The following PDZD2 variants were observed in gnomAD, a reference collection of about 807,000 sequenced individuals.
The protein encoded by PDZD2 is PDZ domain-containing protein 2.
In PDZD2, 90 loss-of-function variants were observed where a neutral mutation model predicts 220.7. The ratio of observed to expected loss-of-function variants is 0.41; its 90% CI spans 0.34 to 0.49. The LOEUF (loss-of-function observed/expected upper bound fraction) is 0.49. Ranked by LOEUF, PDZD2 falls within the 20% of genes least tolerant of loss-of-function variation. The pLI is 0.28. For synonymous variants in PDZD2, 1,375 were observed against 1,450.5 expected, an observed-to-expected ratio of 0.95 and a Z score of 1.18; for missense variants, 3,174 against 3,608.5, an observed-to-expected ratio of 0.88 and a Z score of 3.08.
chr5:31,886,354 G>A (rs2150342427), intron 2 of PDZD2, among the ~76,000 whole-genome samples: 1 of 152,264 alleles, frequency 6.6e-6, no homozygotes, highest in Non-Finnish European at 1.5e-5. Context: ...GTGCCAAGTT[G>A]TTTATGTGCC....
intron 2 of PDZD2, among the ~76,000 whole-genome samples, chr5:31,887,683 G>T (rs368560558): frequency 6.6e-6 from 1 of 152,030 alleles, no homozygotes; most frequent in South Asian, 2.1e-4. Context: ...ACAAAATTTC[G>T]CATAGCTGTA....
chr5:31,737,173 T>C (rs1014921718), intron 1 of PDZD2, among the ~76,000 whole-genome samples: 1 of 134,208 alleles, frequency 7.5e-6, no homozygotes, highest in Non-Finnish European at 1.6e-5. Context: ...ACTTCTTTTT[T>C]TTTTTTTTTT....
intron 1 of PDZD2, among the ~76,000 whole-genome samples, chr5:31,664,668 A>G (rs1745913197): frequency 6.6e-6 from 1 of 152,222 alleles, no homozygotes; most frequent in South Asian, 2.1e-4. Context: ...GGTGTCATAC[A>G]GAGCCGAAAA....
intron 8 of PDZD2, among the ~76,000 whole-genome samples, chr5:32,049,207 C>A (rs1484438153): frequency 6.6e-6 from 1 of 152,140 alleles, no homozygotes; most frequent in South Asian, 2.1e-4. Flanking sequence ...AACCTGCTCC[C>A]GTCTGAGATC....
In PDZD2 at chr5:32,088,359, T is replaced by TC. The variant is rs754040002; in HGVS notation, c.4913dup (p.Arg1639GlufsTer9). 6.2e-7 allele frequency: 1 copy of TC among 1,613,968 alleles called. No individual in the cohort carries two copies. The highest frequency in any genetic ancestry group is 1.1e-5 in the South Asian group (1 of 91,070). Reference sequence around the variant, plus strand: ...AAGTTCTGTCATTAAAATACAGCACTCCGAGAGAGTCGGTGGCCAGTCCCC... The same window carrying TC: ...AAGTTCTGTCATTAAAATACAGCACTCCCGAGAGAGTCGGTGGCCAGTCCCC... On this transcript the variant is annotated frameshift_variant, in exon 20 of 25. Coordinates refer to ENST00000438447, the MANE Select transcript of PDZD2 (RefSeq NM_178140.4). LOFTEE classifies it high-confidence loss of function. The surrounding 1 kb of genome is among the most constrained non-coding windows in gnomAD (Gnocchi z 4.6).
chr5:31,713,121 T>A (rs2150140696), intron 1 of PDZD2, among the ~76,000 whole-genome samples: 1 of 152,328 alleles, frequency 6.6e-6, no homozygotes, highest in East Asian at 1.9e-4. Context: ...TGGCCTTGTG[T>A]CATTTAGATT....
In PDZD2 at chr5:32,109,699, T is replaced by TAAGA. The variant is rs907370501; in HGVS notation, c.*1565_*1568dup. ...TTTGCCATACCTGTGTGCATGACACTAAGATTTTATGTTGGAGATACTTCT... is the reference window on the plus strand; with the variant it reads ...TTTGCCATACCTGTGTGCATGACACTAAGAAAGATTTTATGTTGGAGATACTTCT... On this transcript the variant is annotated 3_prime_UTR_variant, in exon 25 of 25. Transcript: ENST00000438447. The TAAGA allele has an allele frequency of 2.0e-5, 3 of 152,232 alleles. No homozygotes were observed. Among genetic ancestry groups the TAAGA allele is most frequent in the African/African-American group, 4.8e-5 (2 of 41,444 alleles). 9.4% of individuals were successfully genotyped at this position (152,232 alleles called of 1,614,324 possible).
chr5:31,928,898 G>A (rs921147552), intron 2 of PDZD2, among the ~76,000 whole-genome samples: 1 of 152,146 alleles, frequency 6.6e-6, no homozygotes, highest in Non-Finnish European at 1.5e-5. Context: ...ACTCTGAAAG[G>A]AGATATAAGA....
chr5:32,085,452 A>T (rs56053924), intron 19 of PDZD2, among the ~76,000 whole-genome samples: 13,822 of 142,706 alleles, frequency 0.097, 925 homozygotes, highest in Middle Eastern at 0.22. Flanking sequence ...CCTTATTATT[A>T]TTTTTTTTTT....
chr5:31,781,880 T>C (rs1753079308), intron 1 of PDZD2, among the ~76,000 whole-genome samples: 1 of 152,012 alleles, frequency 6.6e-6, no homozygotes, highest in Non-Finnish European at 1.5e-5. Flanking sequence ...TAGAGGCATT[T>C]AGGGAAGGCA....
At chr5:31,774,506 G>A (rs1752522608) in intron 1 of PDZD2, among the ~76,000 whole-genome samples, 1 of 152,064 alleles carries the variant, frequency 6.6e-6, no homozygotes, top group South Asian at 2.1e-4. Context: ...GTGAGGTCAG[G>A]AGTTCGAGAC....
rs577129516 is a variant in PDZD2, at chr5:31,832,368, G to A, written c.476+32644G>A. On this transcript the variant is annotated intron_variant, in intron 2 of 24. Transcript: ENST00000438447. ...GTGATGGTTGCACAACAACATGAAT[G>A]TATTTATTGACACTCAACTGTACAC... 2.0e-5 allele frequency: 3 copies of A among 152,286 alleles called. No homozygotes were observed. The East Asian group carries it at 5.8e-4, about 29-fold the overall frequency. The allele number at this position is 152,286 out of a possible 1,614,324, so 9.4% of individuals were successfully genotyped here. A position where few individuals can be genotyped will look rare whatever the true frequency, so the allele number is the denominator to read the frequency against.
chr5:32,024,707 G>GAAAA (rs1754492399), intron 6 of PDZD2, among the ~76,000 whole-genome samples: 2 of 148,162 alleles, frequency 1.3e-5, no homozygotes, highest in Non-Finnish European at 3.0e-5. Context: ...AGAAAAAAAA[G>GAAAA]AAAAGGAAAG....
intron 3 of PDZD2, among the ~76,000 whole-genome samples, chr5:31,989,175 A>G (rs1428501345): frequency 1.3e-5 from 2 of 152,068 alleles, no homozygotes; most frequent in African/African-American, 2.4e-5. Flanking sequence ...TTCTTGATAG[A>G]TAATTTTTTA....
intron 1 of PDZD2, among the ~76,000 whole-genome samples, chr5:31,773,284 G>C (rs940240213): frequency 6.6e-6 from 1 of 152,134 alleles, no homozygotes; most frequent in Non-Finnish European, 1.5e-5. Context: ...GAGACAATGG[G>C]AGCTCAAGTT....
At chr5:31,757,682 C>T (rs787914) in intron 1 of PDZD2, among the ~76,000 whole-genome samples, 5,461 of 151,954 alleles carry the variant, frequency 0.036, 420 homozygotes, top group East Asian at 0.35. Flanking sequence ...GCTGAGGTGA[C>T]GCTCCTGAAT....
chr5:31,841,524 T>C (rs1430561022), intron 2 of PDZD2, among the ~76,000 whole-genome samples: 2 of 152,006 alleles, frequency 1.3e-5, no homozygotes. Context: ...AATACAAAAA[T>C]TAGCCAGACA....
chr5:31,770,710 G>A (rs1358725895), intron 1 of PDZD2, among the ~76,000 whole-genome samples: 6 of 139,688 alleles, frequency 4.3e-5, no homozygotes, highest in Non-Finnish European at 9.5e-5. Flanking sequence ...GGAAACCAGC[G>A]GCTGGGAGAG....
At chr5:31,751,864 G>A (rs1750992117) in intron 1 of PDZD2, among the ~76,000 whole-genome samples, 1 of 151,924 alleles carries the variant, frequency 6.6e-6, no homozygotes, top group South Asian at 2.1e-4. Flanking sequence ...TTGAAGCTGG[G>A]CTGGGGGAGG....
Sources: gnomAD v4.1 joint callset for allele counts (sites outside exome capture counted in the v4.1 genomes callset) on GRCh38, gnomAD v4.1.1 for gene constraint, Gnocchi (gnomAD v3.1) non-coding constraint, MANE v1.5 for transcripts, NCBI Gene and HGNC (gene_info 2026-07-23, HGNC 2026-07-21) for gene names.